The following ADM2 variants were observed in gnomAD, a reference collection of about 807,000 sequenced individuals.
ADM2 encodes protein ADM2.
Under a neutral mutation model 7.1 loss-of-function variants are expected in ADM2, and 5 were observed. That is an observed-to-expected ratio of 0.71 (90% confidence interval 0.37 to 1.49). The LOEUF (loss-of-function observed/expected upper bound fraction) is 1.49, where lower values mean the gene tolerates loss of function less well. ADM2 is among the 40% of genes most tolerant of loss of function. ADM2 has a pLI of 0.03. For synonymous variants in ADM2, 123 were observed against 92.8 expected, an observed-to-expected ratio of 1.33 and a Z score of -1.87; for missense variants, 236 against 211.2, an observed-to-expected ratio of 1.12 and a Z score of -0.73.
Position 50,481,607 on chromosome 22 carries a change from C to T in ADM2, c.-168C>T. 4.0e-6 allele frequency: 1 copy of T among 249,414 alleles called. No homozygotes were observed. The allele number at this position is 249,414 out of a possible 1,614,324, so 15.5% of individuals were successfully genotyped here. The stretch of plus-strand genomic sequence containing the variant: ...GCCGCGACTCCGCTCCAGGCAGGAC[C>T]CCCAACCCGCCCAGCCCGCTCCGCC... On this transcript the variant is annotated 5_prime_UTR_variant, in exon 1 of 3. Transcript: ENST00000395737.
At position 50,483,985 on chromosome 22, in the gene ADM2, G is replaced by A. The variant is rs1412418653; in HGVS notation, c.*1082G>A. The A allele has an allele frequency of 1.3e-5, 2 of 152,406 alleles. No individual in the cohort carries two copies. The highest frequency in any genetic ancestry group is 6.5e-5 in the Admixed American group (1 of 15,290). The allele number at this position is 152,406 out of a possible 1,614,324, so 9.4% of individuals were successfully genotyped here. ...CCTTCTGCTATTTAGCGAACACTGAGCATTTAATTTACAAATGTTTGCTAG... is the reference window on the plus strand; with the variant it reads ...CCTTCTGCTATTTAGCGAACACTGAACATTTAATTTACAAATGTTTGCTAG... On this transcript the variant is annotated 3_prime_UTR_variant, in exon 3 of 3. Transcript: ENST00000395737.
rs1180640878 is a variant in ADM2, at chr22:50,481,934, G to A, written c.87G>A (p.Gly29=). The change falls in exon 2 of 3, where the codon GGG becomes GGA. Residue 29 remains glycine (G), a synonymous_variant. Transcript: ENST00000395737. The part of the protein sequence containing the change: ...LPGSLSRSLG[G]DPRPVKPREP... ...GCTCGCTGTCCCGCAGCCTGGGCGG[G>A]GACCCGCGACCCGTCAAACCCAGGT... 5.2e-6 allele frequency: 8 copies of A among 1,536,970 alleles called. No homozygotes were observed. Among genetic ancestry groups the A allele is most frequent in the Non-Finnish European group, 7.0e-6 (8 of 1,143,094 alleles).
At position 50,484,221 on chromosome 22, in the gene ADM2, G is replaced by C. The variant is rs1352569127; in HGVS notation, c.*1318G>C. 1 of 152,310 alleles carries C rather than the reference G, an allele frequency of 6.6e-6. No individual in the cohort carries two copies. The highest frequency in any genetic ancestry group is 2.1e-4 in the South Asian group (1 of 4,830). The allele number at this position is 152,310 out of a possible 1,614,324, so 9.4% of individuals were successfully genotyped here. ...TCCACGTAACTGACCTGTACTCCAC[G>C]AGGCCCTGTGGGAACGGTCCAGGCT... On this transcript the variant is annotated 3_prime_UTR_variant, in exon 3 of 3. Coordinates refer to ENST00000395737, the MANE Select transcript of ADM2 (RefSeq NM_001253845.2).
chr22:50,481,637 G>GCCCCGGACCCGCGGCCGA lies in ADM2; in HGVS notation c.-133_-116dup, dbSNP rs2068196226. 3.8e-6 allele frequency: 1 copy of GCCCCGGACCCGCGGCCGA among 262,434 alleles called. No individual in the cohort carries two copies. The highest frequency in any genetic ancestry group is 7.1e-6 in the Non-Finnish European group (1 of 141,308). 16.3% of individuals were successfully genotyped at this position (262,434 alleles called of 1,614,324 possible). A position where few individuals can be genotyped will look rare whatever the true frequency, so the allele number is the denominator to read the frequency against. On this transcript the variant is annotated 5_prime_UTR_variant, in exon 1 of 3. Coordinates refer to ENST00000395737, the MANE Select transcript of ADM2 (RefSeq NM_001253845.2). ...ACCCGCCCAGCCCGCTCCGCCTTGCGCCCCGGACCCGCGGCCGACCCCAGA... is the reference window on the plus strand; with the variant it reads ...ACCCGCCCAGCCCGCTCCGCCTTGCGCCCCGGACCCGCGGCCGACCCCGGACCCGCGGCCGACCCCAGA...
chr22:50,482,826 C>CT lies in ADM2; in HGVS notation c.371dup (p.Trp125ValfsTer52). On this transcript the variant is annotated frameshift_variant, in exon 3 of 3. Transcript: ENST00000395737. LOFTEE classifies it high-confidence loss of function. ...CCAGGTGCAGAATCTCAGCCACCGC[C>CT]TGTGGCAACTCATGGGACCGGCCGG... is the stretch of plus-strand genomic sequence containing the variant. 2 of 1,608,734 alleles carry CT rather than the reference C, an allele frequency of 1.2e-6. No individual in the cohort carries two copies. The highest frequency in any genetic ancestry group is 1.7e-6 in the Non-Finnish European group (2 of 1,179,502).
In ADM2 at chr22:50,481,896, C is replaced by T. The variant is rs372934955; in HGVS notation, c.49C>T (p.Leu17=). The T allele has an allele frequency of 2.1e-5, 32 of 1,532,508 alleles. No individual in the cohort carries two copies. In the African/African-American group the frequency reaches 3.2e-4, roughly 16 times the overall value. The allele number at this position is 1,532,508 out of a possible 1,614,324, so 94.9% of individuals were successfully genotyped here. ...AALGCISLLC[L]QLPGSLSRSL... ...CCTGGGTTGCATCAGCCTCCTCTGC[C>T]TGCAGCTCCCTGGCTCGCTGTCCCG... Residue 17 remains leucine, a synonymous_variant, in exon 2 of 3, where the codon CTG becomes TTG. Transcript: ENST00000395737.
rs1473436916 is a variant in ADM2, at chr22:50,481,940, G to T, written c.93G>T (p.Pro31=). The T allele has an allele frequency of 6.5e-7, 1 of 1,535,666 alleles. No homozygotes were observed. Among genetic ancestry groups the T allele is most frequent in the South Asian group, 1.2e-5 (1 of 83,618 alleles). The change falls in exon 2 of 3, where the codon CCG becomes CCT. Residue 31 remains proline, a synonymous_variant. Coordinates refer to ENST00000395737, the MANE Select transcript of ADM2 (RefSeq NM_001253845.2). ...TGTCCCGCAGCCTGGGCGGGGACCC[G>T]CGACCCGTCAAACCCAGGTGAGTCC... ...GSLSRSLGGD[P]RPVKPREPPA...
chr22:50,482,459 G>C (rs1331071098), intron 2 of ADM2, 108 bp from the exon 3 acceptor site: 1 of 1,405,704 alleles, frequency 7.1e-7, no homozygotes, highest in Non-Finnish European at 9.2e-7. Context: ...TGGGGGCTGT[G>C]GGCTTCCCCT....
In ADM2 at chr22:50,482,012, T is replaced by TGCCGGGG. The variant is rs779724180; in HGVS notation, c.110+60_110+66dup. ...CTCTGGCCCCCGCAGGGAAGCAGAG[T>TGCCGGGG]GCCGGGGGCCGCGGGGCCGCCCTCC... On this transcript the variant is annotated intron_variant, in intron 2 of 2. Transcript: ENST00000395737. 24 of 1,475,560 alleles carry TGCCGGGG rather than the reference T, an allele frequency of 1.6e-5. 1 individual carries two copies. Among genetic ancestry groups the TGCCGGGG allele is most frequent in the South Asian group, 3.7e-5 (3 of 81,036 alleles). The allele number at this position is 1,475,560 out of a possible 1,614,324, so 91.4% of individuals were successfully genotyped here.
rs532179027 is a variant in ADM2, at chr22:50,483,716, C to T, written c.*813C>T. 13 of 169,586 alleles carry T rather than the reference C, an allele frequency of 7.7e-5. No homozygotes were observed. In the East Asian group the frequency reaches 1.0e-3, roughly 13 times the overall value. The allele number at this position is 169,586 out of a possible 1,614,324, so 10.5% of individuals were successfully genotyped here. ...GCAGCCAGACAAGGGTGGGGCTCCA[C>T]AGGCAGCACAGGCGCCCCACCACCA... On this transcript the variant is annotated 3_prime_UTR_variant, in exon 3 of 3. Transcript: ENST00000395737.
In ADM2 at chr22:50,482,950, C is replaced by T. The variant is rs1352929930; in HGVS notation, c.*47C>T. On this transcript the variant is annotated 3_prime_UTR_variant, in exon 3 of 3. Coordinates refer to ENST00000395737, the MANE Select transcript of ADM2 (RefSeq NM_001253845.2). ...TGCCCATCCCAGCCAGGGTGCTGTG[C>T]CCCCGTCCAGAGCTGCAGCTGAGCC... 9 of 1,543,914 alleles carry T rather than the reference C, an allele frequency of 5.8e-6. No homozygotes were observed. The highest frequency in any genetic ancestry group is 3.9e-5 in the Admixed American group (2 of 51,730).
chr22:50,482,724 TCGGGCCCCCGAAGACAC>T lies in ADM2; in HGVS notation c.269_285del (p.Ser90PhefsTer81), dbSNP rs751386764. ...TCTCCGGGATGGTGGCCGCCAACACTCGGGCCCCCGAAGACACTCGGGCCCCCGCAGGACCCAAGCCC... is the reference window on the plus strand; with the variant it reads ...TCTCCGGGATGGTGGCCGCCAACACTTCGGGCCCCCGCAGGACCCAAGCCC... On this transcript the variant is annotated frameshift_variant, in exon 3 of 3. Coordinates refer to ENST00000395737, the MANE Select transcript of ADM2 (RefSeq NM_001253845.2). LOFTEE classifies it high-confidence loss of function. 2 of 1,281,044 alleles carry T rather than the reference TCGGGCCCCCGAAGACAC, an allele frequency of 1.6e-6. No individual in the cohort carries two copies. The highest frequency in any genetic ancestry group is 2.1e-6 in the Non-Finnish European group (2 of 944,004). 79.4% of individuals were successfully genotyped at this position (1,281,044 alleles called of 1,614,324 possible). A position where few individuals can be genotyped will look rare whatever the true frequency, so the allele number is the denominator to read the frequency against.
At position 50,483,485 on chromosome 22, in the gene ADM2, G is replaced by A. The variant is rs1603437000; in HGVS notation, c.*582G>A. 12 of 352,216 alleles carry A rather than the reference G, an allele frequency of 3.4e-5. No individual in the cohort carries two copies. Among genetic ancestry groups the A allele is most frequent in the South Asian group, 2.3e-4 (11 of 48,218 alleles). The allele number at this position is 352,216 out of a possible 1,614,324, so 21.8% of individuals were successfully genotyped here. The stretch of plus-strand genomic sequence containing the variant: ...CTCTGTGGCTCCAGCTGCCAACCCT[G>A]GAGCCCAGACCGAGGTGGCCATGGA... On this transcript the variant is annotated 3_prime_UTR_variant, in exon 3 of 3. Coordinates refer to ENST00000395737, the MANE Select transcript of ADM2 (RefSeq NM_001253845.2).
In ADM2 at chr22:50,483,551, C is replaced by T. The variant is rs1349446989; in HGVS notation, c.*648C>T. On this transcript the variant is annotated 3_prime_UTR_variant, in exon 3 of 3. Coordinates refer to ENST00000395737, the MANE Select transcript of ADM2 (RefSeq NM_001253845.2). ...CCCTGTAGGAGGCCAGGGAGGGGAACTCAGCAGTTCAGGAGCCACCCCAAA... is the reference window on the plus strand; with the variant it reads ...CCCTGTAGGAGGCCAGGGAGGGGAATTCAGCAGTTCAGGAGCCACCCCAAA... 5.8e-6 allele frequency: 2 copies of T among 342,542 alleles called. No homozygotes were observed. The highest frequency in any genetic ancestry group is 7.9e-5 in the Admixed American group (2 of 25,226). The allele number at this position is 342,542 out of a possible 1,614,324, so 21.2% of individuals were successfully genotyped here. A position where few individuals can be genotyped will look rare whatever the true frequency, so the allele number is the denominator to read the frequency against.
In ADM2 at chr22:50,481,602, AG is replaced by A; in HGVS notation, c.-171del. On this transcript the variant is annotated 5_prime_UTR_variant, in exon 1 of 3. Transcript: ENST00000395737. The stretch of plus-strand genomic sequence containing the variant: ...CCCGGGCCGCGACTCCGCTCCAGGC[AG>A]GACCCCCAACCCGCCCAGCCCGCTC... 1 of 244,848 alleles carries A rather than the reference AG, an allele frequency of 4.1e-6. No homozygotes were observed. Among genetic ancestry groups the A allele is most frequent in the Non-Finnish European group, 7.7e-6 (1 of 129,504 alleles). 15.2% of individuals were successfully genotyped at this position (244,848 alleles called of 1,614,324 possible).
chr22:50,483,228 G>T lies in ADM2; in HGVS notation c.*325G>T, dbSNP rs1011892189. 3.5e-6 allele frequency: 2 copies of T among 567,692 alleles called. No homozygotes were observed. The highest frequency in any genetic ancestry group is 6.7e-6 in the Non-Finnish European group (2 of 298,894). The allele number at this position is 567,692 out of a possible 1,614,324, so 35.2% of individuals were successfully genotyped here. Reference sequence around the variant, plus strand: ...AGCAGAAGCTGGGCCCTGAACACACGGGGCCATGTCTGGACGAGCAGGGGA... The same window carrying T: ...AGCAGAAGCTGGGCCCTGAACACACTGGGCCATGTCTGGACGAGCAGGGGA... On this transcript the variant is annotated 3_prime_UTR_variant, in exon 3 of 3. Transcript: ENST00000395737.
At chr22:50,481,811 C>T (rs1298346333) in intron 1 of ADM2, 26 bp from the exon 2 acceptor site, 33 of 1,424,404 alleles carry the variant, frequency 2.3e-5, no homozygotes, top group Non-Finnish European at 2.8e-5. Context: ...CCCGACGTGC[C>T]CGGCTCACCG....
rs1019462698 is a variant in ADM2, at chr22:50,484,274, A to C, written c.*1371A>C. 1 of 152,568 alleles carries C rather than the reference A, an allele frequency of 6.6e-6. No individual in the cohort carries two copies. The allele number at this position is 152,568 out of a possible 1,614,324, so 9.5% of individuals were successfully genotyped here. ...TCCTGCCCTGTGGAGGCCTCCGTGC[A>C]CTGAGAGATGTACTAGGATTGCAGC... On this transcript the variant is annotated 3_prime_UTR_variant, in exon 3 of 3. Coordinates refer to ENST00000395737, the MANE Select transcript of ADM2 (RefSeq NM_001253845.2).
chr22:50,483,084 C>A lies in ADM2; in HGVS notation c.*181C>A. 1 of 1,062,282 alleles carries A rather than the reference C, an allele frequency of 9.4e-7. No individual in the cohort carries two copies. Among genetic ancestry groups the A allele is most frequent in the Non-Finnish European group, 1.4e-6 (1 of 714,960 alleles). The allele number at this position is 1,062,282 out of a possible 1,614,324, so 65.8% of individuals were successfully genotyped here. ...GGCTGGTCTACACGCAGTGCTGGTA[C>A]GTCAAGGAGCCTAAACACCCTGAAA... On this transcript the variant is annotated 3_prime_UTR_variant, in exon 3 of 3. Transcript: ENST00000395737.
Sources: gnomAD v4.1 joint callset for allele counts on GRCh38, gnomAD v4.1.1 for gene constraint, MANE v1.5 for transcripts, NCBI Gene and HGNC (gene_info 2026-07-23, HGNC 2026-07-21) for gene names.